LAMA2: variants seen among roughly 807,000 people sequenced by gnomAD.
The protein encoded by LAMA2 is laminin subunit alpha-2.
In LAMA2, 269 loss-of-function variants were observed where a neutral mutation model predicts 364.8. The observed-to-expected ratio is 0.74, with a 90% CI of 0.67 to 0.82. The LOEUF (loss-of-function observed/expected upper bound fraction) is 0.82, where lower values mean the gene tolerates loss of function less well. LAMA2 is among the 40% of genes least tolerant of loss of function. LAMA2 has a pLI of 0.00. For missense variants in LAMA2, 3,807 were observed against 3,873.2 expected (o/e 0.98, Z 0.45); for synonymous variants, 1,379 against 1,370.6 (o/e 1.01, Z -0.14).
intron 34 of LAMA2, 42 bp downstream of exon 34, chr6:129,370,032 T>G (rs1311863115): frequency 6.7e-7 from 1 of 1,502,640 alleles, no homozygotes; most frequent in East Asian, 2.3e-5. Flanking sequence ...GCAGATAGAT[T>G]ATGTCAATGA....
At chr6:129,030,199 A>G (rs903990924) in intron 1 of LAMA2, among the ~76,000 whole-genome samples, 8 of 151,986 alleles carry the variant, frequency 5.3e-5, no homozygotes, top group African/African-American at 1.9e-4. Flanking sequence ...CTCTCTCCTT[A>G]TTGTCAACCC....
At chr6:129,443,302 G>C (rs1439707245) in intron 44 of LAMA2, among the ~76,000 whole-genome samples, 1 of 152,136 alleles carries the variant, frequency 6.6e-6, no homozygotes, top group East Asian at 1.9e-4. Flanking sequence ...TAAAAAGTTT[G>C]GTCAGGCGAA....
intron 17 of LAMA2, among the ~76,000 whole-genome samples, chr6:129,273,328 G>C (rs192969610): frequency 1.3e-5 from 2 of 152,278 alleles, no homozygotes; most frequent in Admixed American, 1.3e-4. Context: ...ACTTGCATTT[G>C]AGGAAAGCAG....
intron 40 of LAMA2, among the ~76,000 whole-genome samples, chr6:129,410,330 A>C (rs1780465268): frequency 6.6e-6 from 1 of 152,058 alleles, no homozygotes; most frequent in African/African-American, 2.4e-5. Flanking sequence ...CTGAATTAAA[A>C]AAAAAAAAGA....
intron 12 of LAMA2, among the ~76,000 whole-genome samples, chr6:129,242,977 G>A (rs1020647300): frequency 2.0e-5 from 3 of 152,076 alleles, no homozygotes; most frequent in Admixed American, 6.6e-5. Context: ...CTATTCATAG[G>A]AGATTTATAT....
At chr6:129,306,345 G>GTTTTTTTTTTTTTTT (rs138700232) in intron 22 of LAMA2, among the ~76,000 whole-genome samples, 1 of 94,844 alleles carries the variant, frequency 1.1e-5, no homozygotes, top group African/African-American at 4.0e-5. Context: ...TTCCAGAAAG[G>GTTTTTTTTTTTTTTT]TGTTTTTTTT....
intron 12 of LAMA2, among the ~76,000 whole-genome samples, chr6:129,228,419 G>A (rs935100954): frequency 2.0e-5 from 3 of 152,084 alleles, no homozygotes; most frequent in Admixed American, 6.6e-5. Flanking sequence ...ATTCTGTGTC[G>A]CTCATGCTGG....
In LAMA2 at chr6:129,149,070, C is replaced by G. The variant is rs2114967949; in HGVS notation, c.1001C>G (p.Thr334Ser). The change falls in exon 7 of 65, where the codon ACT becomes AGT. Residue 334 changes from threonine to serine, a missense_variant. Thr to Ser is a moderately conservative substitution (Grantham distance 58). Coordinates refer to ENST00000421865, the MANE Select transcript of LAMA2 (RefSeq NM_000426.4). ...GFHQKPWRAG[T>S]FLTKTECEAC... is the part of the protein sequence containing the mutation. ...CATCAGAAACCCTGGAGAGCTGGAACTTTTCTAACTAAAACTGAATGTGAA... is the reference window on the plus strand; with the variant it reads ...CATCAGAAACCCTGGAGAGCTGGAAGTTTTCTAACTAAAACTGAATGTGAA... The G allele has an allele frequency of 6.2e-7, 1 of 1,608,030 alleles. No homozygotes were observed. The highest frequency in any genetic ancestry group is 8.5e-7 in the Non-Finnish European group (1 of 1,174,620).
chr6:129,505,198 A>G lies in LAMA2; in HGVS notation c.8548-2A>G, dbSNP rs369224209. The G allele has an allele frequency of 1.9e-6, 3 of 1,613,214 alleles. No homozygotes were observed. Among genetic ancestry groups the G allele is most frequent in the African/African-American group, 1.3e-5 (1 of 75,006 alleles). The stretch of plus-strand genomic sequence containing the variant: ...CATTAATGACTCCTTTCTTTTTTGT[A>G]GATTAAGATAATGAGAAGTAAGCAA... On this transcript the variant is annotated splice_acceptor_variant, in intron 60 of 64. Coordinates refer to ENST00000421865, the MANE Select transcript of LAMA2 (RefSeq NM_000426.4). LOFTEE classifies it high-confidence loss of function.
At chr6:129,311,605 A>G (rs1347034734) in intron 22 of LAMA2, among the ~76,000 whole-genome samples, 1 of 152,190 alleles carries the variant, frequency 6.6e-6, no homozygotes, top group East Asian at 1.9e-4. Context: ...GTAGATGTAT[A>G]ATTGGCACAG....
At chr6:129,206,307 A>G (rs1782672969) in intron 12 of LAMA2, among the ~76,000 whole-genome samples, 1 of 152,334 alleles carries the variant, frequency 6.6e-6, no homozygotes, top group Non-Finnish European at 1.5e-5. Context: ...CATTTGCATC[A>G]AGGTGAGTTT....
At chr6:129,004,183 C>T (rs1171700042) in intron 1 of LAMA2, among the ~76,000 whole-genome samples, 2 of 36,058 alleles carry the variant, frequency 5.5e-5, no homozygotes, top group Non-Finnish European at 9.6e-5. Flanking sequence ...TATTCTCACT[C>T]ATAGGTGGGA....
In LAMA2 at chr6:129,456,322, C is replaced by T. The variant is rs375474916; in HGVS notation, c.6708-13C>T. 96 of 1,612,074 alleles carry T rather than the reference C, an allele frequency of 6.0e-5. No individual in the cohort carries two copies. The African/African-American group carries it at 7.9e-4, about 13-fold the overall frequency. The stretch of plus-strand genomic sequence containing the variant: ...TATGTTCCTCCCCTTCACTTCAACA[C>T]GTACCCTTGAAGAACTGGGAGAAAT... On this transcript the variant is annotated splice_polypyrimidine_tract_variant and intron_variant, in intron 47 of 64. Transcript: ENST00000421865.
At chr6:128,896,380 G>A (rs2114400419) in intron 1 of LAMA2, among the ~76,000 whole-genome samples, 1 of 150,640 alleles carries the variant, frequency 6.6e-6, no homozygotes, top group African/African-American at 2.4e-5. Context: ...TCCTGGTCCT[G>A]CTGAATAACA....
intron 1 of LAMA2, among the ~76,000 whole-genome samples, chr6:129,032,526 G>A (rs9402093): frequency 6.6e-6 from 1 of 151,986 alleles, no homozygotes; most frequent in Non-Finnish European, 1.5e-5. Flanking sequence ...GGCAGTATTC[G>A]TTGAATGTGA....
intron 58 of LAMA2, among the ~76,000 whole-genome samples, chr6:129,494,382 T>C (rs1011142158): frequency 5.9e-5 from 9 of 152,212 alleles, no homozygotes; most frequent in African/African-American, 1.7e-4. Flanking sequence ...CTTTGTAAAA[T>C]AGAGATATTT....
chr6:128,945,014 G>T (rs1304151165), intron 1 of LAMA2, among the ~76,000 whole-genome samples: 1 of 152,120 alleles, frequency 6.6e-6, no homozygotes, highest in Admixed American at 6.5e-5. Context: ...TATCACTTTT[G>T]GAGAAAGAGT....
intron 1 of LAMA2, among the ~76,000 whole-genome samples, chr6:129,022,783 A>G (rs2114717436): frequency 6.6e-6 from 1 of 152,290 alleles, no homozygotes; most frequent in East Asian, 1.9e-4. Context: ...TCTTTGCAGG[A>G]GGCAGAATAA....
chr6:129,081,409 T>TA (rs1562221719), intron 3 of LAMA2, among the ~76,000 whole-genome samples: 3 of 151,954 alleles, frequency 2.0e-5, no homozygotes, highest in African/African-American at 2.4e-5. Context: ...AAAAGAAACT[T>TA]AAAAAAAATG....
Sources: allele counts gnomAD v4.1 joint callset (sites outside exome capture counted in the v4.1 genomes callset), GRCh38; gene constraint gnomAD v4.1.1; transcripts MANE v1.5; gene names NCBI Gene and HGNC (gene_info 2026-07-23, HGNC 2026-07-21).